Variants in COG7 observed in about 807,000 individuals in gnomAD.
COG7 encodes the protein conserved oligomeric Golgi complex subunit 7.
COG7 carries 49 observed loss-of-function variants against 91.5 expected under a neutral mutation model. The ratio of observed to expected loss-of-function variants is 0.54; its 90% CI spans 0.43 to 0.68. COG7 has a LOEUF of 0.68. COG7 is among the 30% of genes least tolerant of loss of function. The pLI, the probability that COG7 is intolerant of heterozygous loss-of-function variation, is 0.00. For synonymous variants in COG7, 365 were observed against 388.7 expected (o/e 0.94, Z 0.72); for missense variants, 895 against 961.3 (o/e 0.93, Z 0.91).
At chr16:23,429,229 A>T (rs1447538664) in intron 6 of COG7, among the ~76,000 whole-genome samples, 1 of 152,000 alleles carries the variant, frequency 6.6e-6, no homozygotes, top group African/African-American at 2.4e-5. Flanking sequence ...GGCTCAAGCA[A>T]TCCTCCTGCC....
intron 7 of COG7, among the ~76,000 whole-genome samples, chr16:23,420,362 G>A (rs1380851847): frequency 6.6e-6 from 1 of 152,134 alleles, no homozygotes; most frequent in African/African-American, 2.4e-5. Context: ...GTCTCAACAG[G>A]GGATTAGTAA....
In COG7 at chr16:23,433,386, C is replaced by T. The variant is rs544499895; in HGVS notation, c.810+159G>A. ...GATTACAAGTGTGAGCCACCGCACCCGGCCTAACTGGTTATTTTTTAACCC... is the reference window on the plus strand; with the variant it reads ...GATTACAAGTGTGAGCCACCGCACCTGGCCTAACTGGTTATTTTTTAACCC... On this transcript the variant is annotated intron_variant, in intron 6 of 16. Transcript: ENST00000307149. Among the ~76,000 whole-genome samples, 13 of 152,234 alleles carry T rather than the reference C, an allele frequency of 8.5e-5. No individual in the cohort carries two copies. The East Asian group carries it at 1.4e-3, about 16-fold the overall frequency.
At position 23,445,113 on chromosome 16, in the gene COG7, A is replaced by G. The variant is rs1964160614; in HGVS notation, c.370T>C (p.Ser124Pro). ...CTCCACTTATCTGCTTCCTGAAGAG[A>G]TTCGGCAGCAAGTTGCATTCTGGAC... The part of the protein sequence containing the change: ...VKSRMQLAAE[S>P]LQEADKWSTL... Residue 124 changes from serine to proline, a missense_variant, in exon 3 of 17, where the codon TCT (serine) becomes CCT (proline). Coordinates refer to ENST00000307149, the MANE Select transcript of COG7 (RefSeq NM_153603.4). The G allele has an allele frequency of 1.2e-6, 2 of 1,614,112 alleles. No homozygotes were observed. Among genetic ancestry groups the G allele is most frequent in the Non-Finnish European group, 1.7e-6 (2 of 1,180,028 alleles).
At chr16:23,411,681 G>C (rs578129651) in intron 10 of COG7, among the ~76,000 whole-genome samples, 1 of 152,274 alleles carries the variant, frequency 6.6e-6, no homozygotes, top group South Asian at 2.1e-4. Context: ...ATGGTCCTGA[G>C]TGGTCCTGGA....
intron 14 of COG7, 186 bp from the exon 15 acceptor site, chr16:23,393,533 G>C (rs1963235001): frequency 1.6e-6 from 1 of 609,836 alleles, no homozygotes; most frequent in South Asian, 1.9e-5. Flanking sequence ...ATCACTGGTA[G>C]CTTGCATATA....
At chr16:23,400,324 A>G (rs1963353373) in intron 13 of COG7, among the ~76,000 whole-genome samples, 1 of 152,230 alleles carries the variant, frequency 6.6e-6, no homozygotes, top group African/African-American at 2.4e-5. Context: ...CTGTGGAAAC[A>G]GGTGTGGGAC....
chr16:23,424,995 G>A, intron 6 of COG7, 48 bp from the exon 7 acceptor site: 2 of 1,522,564 alleles, frequency 1.3e-6, no homozygotes, highest in Non-Finnish European at 1.8e-6. Context: ...GAGCCAAATA[G>A]GAGCCCACCT....
chr16:23,433,515 G>C, intron 6 of COG7, 30 bp downstream of exon 6: 1 of 1,613,796 alleles, frequency 6.2e-7, no homozygotes, highest in South Asian at 1.1e-5. Flanking sequence ...CACAGACTCT[G>C]TTCTCCCTAG....
rs1390797306 is a variant in COG7, at chr16:23,388,946, C to A, written c.2287G>T (p.Ala763Ser). The change falls in exon 17 of 17, where the codon GCC becomes TCC. Residue 763 changes from alanine to serine, a missense_variant. By Grantham distance (99) the Ala-to-Ser change is moderately conservative. Transcript: ENST00000307149. ...CAGTAATTCACACTCCGCATGGTGG[C>A]CACGGTGGTGGCCAGGCGACGGGGC... ...GLPRRLATTV[A>S]TMRSVNY 1.2e-6 allele frequency: 2 copies of A among 1,614,102 alleles called. No homozygotes were observed. The highest frequency in any genetic ancestry group is 1.7e-6 in the Non-Finnish European group (2 of 1,180,008).
intron 16 of COG7, chr16:23,392,160 T>C: frequency 7.0e-7 from 1 of 1,436,524 alleles, no homozygotes; most frequent in Non-Finnish European, 9.1e-7. Context: ...TCTCAAGTCC[T>C]CTTCGAAAAC....
chr16:23,427,714 T>C (rs1021941089), intron 6 of COG7, among the ~76,000 whole-genome samples: 2 of 152,186 alleles, frequency 1.3e-5, no homozygotes, highest in Non-Finnish European at 2.9e-5. Flanking sequence ...TCTGACTCTC[T>C]GTTCTTGTGG....
At chr16:23,398,442 G>C (rs1054116047) in intron 13 of COG7, among the ~76,000 whole-genome samples, 1 of 152,216 alleles carries the variant, frequency 6.6e-6, no homozygotes, top group African/African-American at 2.4e-5. Flanking sequence ...GATTGTAACA[G>C]GAGAAAGTTG....
chr16:23,409,895 C>T (rs1375027884), intron 11 of COG7, among the ~76,000 whole-genome samples: 3 of 152,164 alleles, frequency 2.0e-5, no homozygotes, highest in Admixed American at 6.5e-5. Flanking sequence ...TCACCCCGAT[C>T]CTGAAGGCTG....
intron 8 of COG7, among the ~76,000 whole-genome samples, chr16:23,418,372 G>A (rs1413227794): frequency 6.6e-6 from 1 of 152,102 alleles, no homozygotes; most frequent in Non-Finnish European, 1.5e-5. Flanking sequence ...AGGCATGGTG[G>A]TGCATGCCTG....
chr16:23,403,970 A>G, intron 12 of COG7, 136 bp from the exon 13 acceptor site: 1 of 981,252 alleles, frequency 1.0e-6, no homozygotes, highest in Non-Finnish European at 1.6e-6. Context: ...GCTGTGCCCC[A>G]GGCCCCTCTG....
intron 11 of COG7, among the ~76,000 whole-genome samples, chr16:23,409,088 T>TGTGTGTGTGTGTGCGC (rs567307217): frequency 0.1 from 14,711 of 147,466 alleles, 776 homozygotes; most frequent in East Asian, 0.15. Flanking sequence ...TGTGTGTGTG[T>TGTGTGTGTGTGTGCGC]GCGTGCATGT....
intron 14 of COG7, among the ~76,000 whole-genome samples, chr16:23,394,057 GAAAA>G (rs34646144): frequency 9.3e-6 from 1 of 107,266 alleles, no homozygotes; most frequent in Non-Finnish European, 2.0e-5. Flanking sequence ...CTCTGTCTCA[GAAAA>G]AAAAAAAAAA....
At position 23,403,780 on chromosome 16, in the gene COG7, G is replaced by C. The variant is rs548129734; in HGVS notation, c.1717C>G (p.Arg573Gly). Residue 573 changes from arginine (R) to glycine (G), a missense_variant, in exon 13 of 17, where the codon CGG becomes GGG. Coordinates refer to ENST00000307149, the MANE Select transcript of COG7 (RefSeq NM_153603.4). ...AGCTGGTGGGCCTGCTGGTTAAGCC[G>C]AGTCAGCGCTGCTCGAGGTGCAGCC... ...LLAAPRAALTRLNQQAHQLAF... is the reference protein window; with the variant it reads ...LLAAPRAALTGLNQQAHQLAF... 1 of 1,614,208 alleles carries C rather than the reference G, an allele frequency of 6.2e-7. No individual in the cohort carries two copies. Among genetic ancestry groups the C allele is most frequent in the Non-Finnish European group, 8.5e-7 (1 of 1,180,032 alleles).
chr16:23,414,086 C>T (rs1963613068), intron 9 of COG7: 1 of 166,554 alleles, frequency 6.0e-6, no homozygotes. Context: ...TTTAATGGGA[C>T]AGACGCATGA....
Sources: allele counts gnomAD v4.1 joint callset (sites outside exome capture counted in the v4.1 genomes callset), GRCh38; gene constraint gnomAD v4.1.1; transcripts MANE v1.5; gene names NCBI Gene and HGNC (gene_info 2026-07-23, HGNC 2026-07-21).